RIN2: variants seen among roughly 807,000 people sequenced by gnomAD.
RIN2 encodes the protein RAB5 interacting protein 2.
Under a neutral mutation model 78.0 loss-of-function variants are expected in RIN2, and 36 were observed. The ratio of observed to expected loss-of-function variants is 0.46; its 90% CI spans 0.35 to 0.61. The LOEUF (loss-of-function observed/expected upper bound fraction) is 0.61. RIN2 is among the 20% of genes least tolerant of loss of function. RIN2 has a pLI of 0.00. For synonymous variants in RIN2, 466 were observed against 466.8 expected (o/e 1.00, Z 0.02); for missense variants, 1,087 against 1,159.7 (o/e 0.94, Z 0.91).
chr20:19,783,823 G>C (rs1193935674), intron 1 of RIN2, among the ~76,000 whole-genome samples: 1 of 152,194 alleles, frequency 6.6e-6, no homozygotes, highest in African/African-American at 2.4e-5. Context: ...ATCAGTTGTA[G>C]ATTGAGGGCT....
chr20:19,944,514 C>T (rs1331194983), intron 4 of RIN2, among the ~76,000 whole-genome samples: 1 of 152,336 alleles, frequency 6.6e-6, no homozygotes, highest in East Asian at 1.9e-4. Context: ...CCTCTTGTAG[C>T]TAGAAGCCTG....
At chr20:19,889,690 C>A (rs776021952) in intron 3 of RIN2, 32 bp downstream of exon 3, 5 of 1,428,978 alleles carry the variant, frequency 3.5e-6, no homozygotes, top group Non-Finnish European at 3.7e-6. Flanking sequence ...GATCTCAACT[C>A]GTCGGCTTGC....
At chr20:19,993,162 A>G (rs1343865182) in intron 11 of RIN2, among the ~76,000 whole-genome samples, 6 of 152,196 alleles carry the variant, frequency 3.9e-5, no homozygotes, top group African/African-American at 1.4e-4. Context: ...ATGTGAGCTT[A>G]TCTTTTCAAA....
intron 1 of RIN2, among the ~76,000 whole-genome samples, chr20:19,766,863 G>A (rs2033905309): frequency 1.3e-5 from 2 of 150,860 alleles, no homozygotes; most frequent in African/African-American, 4.9e-5. Context: ...AGTGAGCTGA[G>A]ATCGCGCCAC....
At chr20:19,787,916 G>GTGA (rs1458942432) in intron 1 of RIN2, among the ~76,000 whole-genome samples, 2 of 152,102 alleles carry the variant, frequency 1.3e-5, no homozygotes, top group African/African-American at 4.8e-5. Flanking sequence ...TCTATCCCAG[G>GTGA]TGATGGTCTT....
chr20:19,934,752 C>A, intron 3 of RIN2: 1 of 289,444 alleles, frequency 3.5e-6, no homozygotes, highest in Non-Finnish European at 5.1e-6. Flanking sequence ...CCGGTTTTGC[C>A]AGGATGTATT....
chr20:19,874,291 C>T (rs1392065726), intron 2 of RIN2, among the ~76,000 whole-genome samples: 2 of 152,164 alleles, frequency 1.3e-5, no homozygotes, highest in African/African-American at 4.8e-5. Context: ...TAGAAACACA[C>T]ATAAAGCAAG....
intron 2 of RIN2, among the ~76,000 whole-genome samples, chr20:19,834,973 A>G (rs895973898): frequency 2.7e-5 from 4 of 150,138 alleles, no homozygotes; most frequent in African/African-American, 9.8e-5. Context: ...GAGAGAAAGA[A>G]AGAAAGGAAG....
At chr20:19,773,573 TAAAG>T (rs963916400) in intron 1 of RIN2, among the ~76,000 whole-genome samples, 1 of 152,084 alleles carries the variant, frequency 6.6e-6, no homozygotes, top group Admixed American at 6.6e-5. Flanking sequence ...GCTGAAGGCT[TAAAG>T]AAAGGGCCAA....
intron 2 of RIN2, among the ~76,000 whole-genome samples, chr20:19,849,205 C>T (rs1230865918): frequency 1.3e-5 from 2 of 152,178 alleles, no homozygotes; most frequent in African/African-American, 4.8e-5. Context: ...TGAGCTCATC[C>T]TGTGCAGAAT....
intron 2 of RIN2, among the ~76,000 whole-genome samples, chr20:19,817,697 TAAATA>T (rs2035805797): frequency 6.6e-6 from 1 of 152,196 alleles, no homozygotes; most frequent in South Asian, 2.1e-4. Flanking sequence ...AGAATTTTTT[TAAATA>T]AAATCAATGA....
intron 2 of RIN2, among the ~76,000 whole-genome samples, chr20:19,858,467 C>T (rs556223398): frequency 6.6e-5 from 10 of 152,304 alleles, no homozygotes; most frequent in African/African-American, 1.7e-4. Context: ...ATCTGCATTG[C>T]GTCTCTTAGA....
intron 1 of RIN2, among the ~76,000 whole-genome samples, chr20:19,783,068 T>C (rs2034561703): frequency 6.6e-6 from 1 of 152,204 alleles, no homozygotes; most frequent in African/African-American, 2.4e-5. Context: ...GTGGGTTCTC[T>C]TGAGTGCCCC....
Position 19,990,087 on chromosome 20 carries a change from A to G in RIN2, c.1844A>G (p.His615Arg), listed in dbSNP as rs2042746122. ...GTGGAGGCCATGCTGAAGGACTTTC[A>G]CATGGCCGATGGCTCATGGAAGCAA... Reference protein sequence around the residue: ...GHVEAMLKDFHMADGSWKQLK... With the variant: ...GHVEAMLKDFRMADGSWKQLK... The change falls in exon 10 of 13, where the codon CAC becomes CGC. Residue 615 changes from histidine (H) to arginine (R), a missense_variant. Coordinates refer to ENST00000255006, the MANE Select transcript of RIN2 (RefSeq NM_018993.4). 1 of 1,598,814 alleles carries G rather than the reference A, an allele frequency of 6.3e-7. No homozygotes were observed. Among genetic ancestry groups the G allele is most frequent in the African/African-American group, 1.3e-5 (1 of 74,684 alleles).
intron 11 of RIN2, among the ~76,000 whole-genome samples, chr20:19,994,461 A>T (rs148221192): frequency 1.5e-4 from 23 of 152,350 alleles, no homozygotes; most frequent in African/African-American, 5.1e-4. Flanking sequence ...AGAAGTGCAC[A>T]GCTCTTGTGG....
At chr20:19,961,038 T>C (rs2041729201) in intron 6 of RIN2, among the ~76,000 whole-genome samples, 1 of 152,160 alleles carries the variant, frequency 6.6e-6, no homozygotes, top group South Asian at 2.1e-4. Context: ...GAATATAAAG[T>C]GTGCAGCCTA....
At position 19,969,745 on chromosome 20, in the gene RIN2, A is replaced by G. The variant is rs570792847; in HGVS notation, c.537-1093A>G. Among the ~76,000 whole-genome samples, 3 of 150,580 alleles carry G rather than the reference A, an allele frequency of 2.0e-5. No homozygotes were observed. In the South Asian group the frequency reaches 6.3e-4, roughly 31 times the overall value. ...ATGAATGAATAATTATTTCTTTGTA[A>G]GACTATTACCACCACTGGAAAAAAA... On this transcript the variant is annotated intron_variant, in intron 7 of 12. Transcript: ENST00000255006.
At chr20:19,777,357 C>A (rs940402291) in intron 1 of RIN2, among the ~76,000 whole-genome samples, 4 of 152,240 alleles carry the variant, frequency 2.6e-5, no homozygotes, top group Non-Finnish European at 1.5e-5. Flanking sequence ...TATCGAGAAG[C>A]CTGGGGTGGG....
intron 8 of RIN2, among the ~76,000 whole-genome samples, chr20:19,972,555 A>G (rs2042140971): frequency 6.6e-6 from 1 of 152,252 alleles, no homozygotes; most frequent in Admixed American, 6.5e-5. Flanking sequence ...TCTGTGCCTC[A>G]GTAAAAGTAC....
Sources: allele counts gnomAD v4.1 joint callset (sites outside exome capture counted in the v4.1 genomes callset), GRCh38; gene constraint gnomAD v4.1.1; transcripts MANE v1.5; gene names NCBI Gene and HGNC (gene_info 2026-07-23, HGNC 2026-07-21).